Variants in DIP2B observed in about 807,000 individuals in gnomAD.
DIP2B encodes DIP2 acetate--CoA ligase B (putative).
In DIP2B, 76 loss-of-function variants were observed where a neutral mutation model predicts 198.0. That is an observed-to-expected ratio of 0.38 (90% CI 0.32 to 0.46). The LOEUF is 0.46. Among genes scored for constraint, DIP2B ranks in the 20% least tolerant of loss-of-function variants. The pLI, the probability that DIP2B is intolerant of heterozygous loss-of-function variation, is 0.99. For missense variants in DIP2B, 1,559 were observed against 1,978.4 expected (o/e 0.79, Z 4.02); for synonymous variants, 701 against 739.1 (o/e 0.95, Z 0.84).
intron 28 of DIP2B, 32 bp downstream of exon 28, chr12:50,724,918 G>A (rs759241222): frequency 1.8e-5 from 29 of 1,597,540 alleles, no homozygotes; most frequent in South Asian, 7.7e-5. Context: ...AGGGTGGAGG[G>A]ACTGAGAGCT....
At chr12:50,538,548 A>G (rs1958290547) in intron 1 of DIP2B, among the ~76,000 whole-genome samples, 1 of 152,180 alleles carries the variant, frequency 6.6e-6, no homozygotes, top group Non-Finnish European at 1.5e-5. Context: ...AATATGTTGC[A>G]GTCAACAGTG....
At chr12:50,545,158 A>C (rs1284144195) in intron 1 of DIP2B, among the ~76,000 whole-genome samples, 1 of 152,146 alleles carries the variant, frequency 6.6e-6, no homozygotes, top group Non-Finnish European at 1.5e-5. Flanking sequence ...AATTACTAGT[A>C]GTGGAATTGC....
chr12:50,619,482 A>G (rs947805409), intron 1 of DIP2B, among the ~76,000 whole-genome samples: 2 of 152,020 alleles, frequency 1.3e-5, no homozygotes, highest in African/African-American at 4.8e-5. Flanking sequence ...CTGCTCCGTG[A>G]AGCATTCCTT....
chr12:50,519,442 C>A (rs1214664626), intron 1 of DIP2B, among the ~76,000 whole-genome samples: 1 of 152,044 alleles, frequency 6.6e-6, no homozygotes, highest in Non-Finnish European at 1.5e-5. Context: ...TGAAGTGCAT[C>A]TATAAAGTGA....
At chr12:50,602,948 A>G (rs1958950881) in intron 1 of DIP2B, among the ~76,000 whole-genome samples, 1 of 151,386 alleles carries the variant, frequency 6.6e-6, no homozygotes, top group South Asian at 2.1e-4. Flanking sequence ...GCAGATCACA[A>G]GGTCAGGAGA....
chr12:50,528,436 A>C lies in DIP2B; in HGVS notation c.100+23196A>C, dbSNP rs555825453. Reference sequence around the variant, plus strand: ...GGCAACATAATGAGACCTGCTTTCCAAAAAAAAAAAAGGAAAAGTATAGTG... The same window carrying C: ...GGCAACATAATGAGACCTGCTTTCCCAAAAAAAAAAAGGAAAAGTATAGTG... On this transcript the variant is annotated intron_variant, in intron 1 of 37. Coordinates refer to ENST00000301180, the MANE Select transcript of DIP2B (RefSeq NM_173602.3). Among the ~76,000 whole-genome samples the C allele has an allele frequency of 4.2e-5, 6 of 142,382 alleles. No individual in the cohort carries two copies. In the South Asian group the frequency reaches 6.6e-4, roughly 16 times the overall value. 93.4% of individuals were successfully genotyped at this position (142,382 alleles called of 152,430 possible). A position where few individuals can be genotyped will look rare whatever the true frequency, so the allele number is the denominator to read the frequency against.
intron 1 of DIP2B, among the ~76,000 whole-genome samples, chr12:50,601,747 C>A (rs1958938714): frequency 2.0e-5 from 3 of 151,996 alleles, no homozygotes; most frequent in Admixed American, 6.6e-5. Flanking sequence ...TTTTTGTTGG[C>A]CTTCATAATG....
chr12:50,651,561 C>T (rs746916917), intron 3 of DIP2B, among the ~76,000 whole-genome samples: 84 of 152,048 alleles, frequency 5.5e-4, no homozygotes, highest in Non-Finnish European at 7.6e-4. Context: ...TTCAGTTTTC[C>T]TAACACATTT....
chr12:50,741,270 G>T, intron 36 of DIP2B, 146 bp from the exon 37 acceptor site: 1 of 868,736 alleles, frequency 1.2e-6, no homozygotes, highest in Non-Finnish European at 1.7e-6. Context: ...GCAGGATTCA[G>T]AGCCTTAAGG....
chr12:50,577,305 G>A (rs1958671137), intron 1 of DIP2B, among the ~76,000 whole-genome samples: 2 of 152,068 alleles, frequency 1.3e-5, no homozygotes, highest in East Asian at 3.9e-4. Context: ...GCCGAGGCGG[G>A]CGGATCACGA....
intron 1 of DIP2B, among the ~76,000 whole-genome samples, chr12:50,598,343 AC>A (rs2139437724): frequency 6.6e-6 from 1 of 152,204 alleles, no homozygotes; most frequent in Non-Finnish European, 1.5e-5. Context: ...CTAGACTTAC[AC>A]CCTTAGGGAG....
At chr12:50,627,289 C>T (rs527937745) in intron 2 of DIP2B, among the ~76,000 whole-genome samples, 9 of 152,154 alleles carry the variant, frequency 5.9e-5, no homozygotes, top group Non-Finnish European at 7.4e-5. Context: ...AGTCAGGCTA[C>T]GCAGAAACCA....
intron 35 of DIP2B, among the ~76,000 whole-genome samples, chr12:50,738,946 TTA>T (rs1212688403): frequency 6.6e-6 from 1 of 152,206 alleles, no homozygotes; most frequent in African/African-American, 2.4e-5. Context: ...TCTGTTTATA[TTA>T]TAAACTCAAA....
chr12:50,514,143 A>G (rs1383165239), intron 1 of DIP2B, among the ~76,000 whole-genome samples: 1 of 143,180 alleles, frequency 7.0e-6, no homozygotes. Flanking sequence ...TCAGCTCACC[A>G]TAACCTCCGC....
chr12:50,551,433 CTG>C (rs527958350), intron 1 of DIP2B, among the ~76,000 whole-genome samples: 9 of 151,162 alleles, frequency 6.0e-5, no homozygotes, highest in South Asian at 4.2e-4. Flanking sequence ...AGAAAAAAAT[CTG>C]TGTGTGTGTG....
In DIP2B at chr12:50,699,093, G is replaced by A. The variant is rs762114290; in HGVS notation, c.2216G>A (p.Gly739Glu). The A allele has an allele frequency of 4.3e-6, 7 of 1,614,138 alleles. No individual in the cohort carries two copies. The highest frequency in any genetic ancestry group is 5.9e-6 in the Non-Finnish European group (7 of 1,180,012). ...ATGATGTGCATTGTGAAACCAGATGGACCTCCCCAGCTCTGCAAAACAGAT... is the reference window on the plus strand; with the variant it reads ...ATGATGTGCATTGTGAAACCAGATGAACCTCCCCAGCTCTGCAAAACAGAT... ...GGMMCIVKPD[G>E]PPQLCKTDEI... is the part of the protein sequence containing the mutation. Residue 739 changes from glycine (G) to glutamate (E), a missense_variant, in exon 19 of 38, where the codon GGA becomes GAA. Physicochemically the swap from Gly to Glu is moderately conservative, Grantham distance 98 (BLOSUM62 -2). Coordinates refer to ENST00000301180, the MANE Select transcript of DIP2B (RefSeq NM_173602.3).
intron 1 of DIP2B, among the ~76,000 whole-genome samples, chr12:50,621,680 C>G (rs1177658849): frequency 6.6e-6 from 1 of 152,126 alleles, no homozygotes; most frequent in Admixed American, 6.5e-5. Context: ...GATATGTATG[C>G]AGATTTGTAG....
Position 50,557,183 on chromosome 12 carries a change from A to G in DIP2B, c.100+51943A>G, listed in dbSNP as rs552603895. On this transcript the variant is annotated intron_variant, in intron 1 of 37. Transcript: ENST00000301180. ...CTGAATCACTGAGCCTTGATTCTTT[A>G]TCTATAAAATGGAGATAATAAGCTC... Among the ~76,000 whole-genome samples the G allele has an allele frequency of 2.6e-5, 4 of 152,334 alleles. No homozygotes were observed. In the South Asian group the frequency reaches 8.3e-4, roughly 32 times the overall value.
At chr12:50,566,690 C>T (rs1326626998) in intron 1 of DIP2B, among the ~76,000 whole-genome samples, 1 of 152,032 alleles carries the variant, frequency 6.6e-6, no homozygotes, top group Non-Finnish European at 1.5e-5. Flanking sequence ...AATCATATGG[C>T]TGGGCGCAGT....
Sources: gnomAD v4.1 joint callset for allele counts (sites outside exome capture counted in the v4.1 genomes callset) on GRCh38, gnomAD v4.1.1 for gene constraint, MANE v1.5 for transcripts, NCBI Gene and HGNC (gene_info 2026-07-23, HGNC 2026-07-21) for gene names.